Variants in TMEFF2 observed in about 807,000 individuals in gnomAD.
The protein encoded by TMEFF2 is tomoregulin-2.
Under a neutral mutation model 53.8 loss-of-function variants are expected in TMEFF2, and 28 were observed. That is an observed-to-expected ratio of 0.52 (90% CI 0.39 to 0.71). The LOEUF (loss-of-function observed/expected upper bound fraction) is 0.71, where lower values mean the gene tolerates loss of function less well. Among genes scored for constraint, TMEFF2 ranks in the 30% least tolerant of loss-of-function variants. The pLI is 0.00. For missense variants in TMEFF2, 353 were observed against 455.2 expected, an observed-to-expected ratio of 0.78 and a Z score of 2.04; for synonymous variants, 162 against 166.3, an observed-to-expected ratio of 0.97 and a Z score of 0.20.
intron 7 of TMEFF2, among the ~76,000 whole-genome samples, chr2:191,969,200 G>A (rs1430849388): frequency 6.7e-6 from 1 of 149,778 alleles, no homozygotes; most frequent in Non-Finnish European, 1.5e-5. Context: ...GACAGAGACT[G>A]ACACAAAGTG....
At chr2:192,061,992 C>G (rs1011105350) in intron 4 of TMEFF2, among the ~76,000 whole-genome samples, 2 of 152,106 alleles carry the variant, frequency 1.3e-5, no homozygotes, top group African/African-American at 4.8e-5. Flanking sequence ...AACCATGAGT[C>G]AGAATAAACT....
At chr2:192,081,800 CTTTTTTTTTT>C (rs900552541) in intron 4 of TMEFF2, among the ~76,000 whole-genome samples, 1 of 130,368 alleles carries the variant, frequency 7.7e-6, no homozygotes, top group African/African-American at 3.0e-5. Flanking sequence ...AACGATTTCC[CTTTTTTTTTT>C]TTTTTTTTTG....
intron 4 of TMEFF2, among the ~76,000 whole-genome samples, chr2:192,116,343 A>T (rs1160137994): frequency 6.6e-6 from 1 of 151,988 alleles, no homozygotes; most frequent in African/African-American, 2.4e-5. Context: ...GGAAATGGGG[A>T]GATGTTGGTC....
In TMEFF2 at chr2:191,963,939, A is replaced by G. The variant is rs185538028; in HGVS notation, c.746-7561T>C. 5.3e-4 allele frequency among the ~76,000 whole-genome samples: 81 copies of G among 152,184 alleles called. 1 individual carries two copies. Among genetic ancestry groups the G allele is most frequent in the African/African-American group, 1.8e-3 (75 of 41,524 alleles). ...TTCAAGGTAGATTTATAAAATTTCCATTTTTTTATAGATTAGGAAAATGAA... is the reference window on the plus strand; with the variant it reads ...TTCAAGGTAGATTTATAAAATTTCCGTTTTTTTATAGATTAGGAAAATGAA... On this transcript the variant is annotated intron_variant, in intron 7 of 9. Coordinates refer to ENST00000272771, the MANE Select transcript of TMEFF2 (RefSeq NM_016192.4).
chr2:192,058,133 T>G (rs1177647003), intron 4 of TMEFF2, among the ~76,000 whole-genome samples: 1 of 152,216 alleles, frequency 6.6e-6, no homozygotes, highest in African/African-American at 2.4e-5. Flanking sequence ...CTACTGTCTA[T>G]TTTACTGAAA....
chr2:192,188,825 TTCTATCTATCTATCTA>T (rs34743733), intron 2 of TMEFF2, among the ~76,000 whole-genome samples: 500 of 31,284 alleles, frequency 0.016, 3 homozygotes, highest in Admixed American at 0.024. Context: ...CTCCCCGCTT[TTCTATCTATCTATCTA>T]TCTATCTATC....
intron 4 of TMEFF2, among the ~76,000 whole-genome samples, chr2:192,108,697 T>G (rs1356652642): frequency 6.6e-6 from 1 of 152,014 alleles, no homozygotes; most frequent in Non-Finnish European, 1.5e-5. Flanking sequence ...CACTCCTTGG[T>G]GTATACTAAA....
chr2:192,165,021 C>T (rs927047570), intron 4 of TMEFF2, among the ~76,000 whole-genome samples: 1 of 89,386 alleles, frequency 1.1e-5, no homozygotes, highest in Middle Eastern at 7.8e-3. Context: ...CCTGTGCACA[C>T]ATACTTGCAT....
chr2:192,149,524 G>A (rs1574416017), intron 4 of TMEFF2, among the ~76,000 whole-genome samples: 1 of 152,048 alleles, frequency 6.6e-6, no homozygotes, highest in South Asian at 2.1e-4. Context: ...AATATTTGAA[G>A]CAATGGAGCT....
chr2:192,015,827 A>G (rs1686732294), intron 5 of TMEFF2, among the ~76,000 whole-genome samples: 1 of 152,180 alleles, frequency 6.6e-6, no homozygotes, highest in African/African-American at 2.4e-5. Flanking sequence ...TTGAAGCATA[A>G]TGCCAGTGTC....
At chr2:192,092,383 C>T (rs1688810124) in intron 4 of TMEFF2, among the ~76,000 whole-genome samples, 1 of 152,000 alleles carries the variant, frequency 6.6e-6, no homozygotes, top group South Asian at 2.1e-4. Flanking sequence ...CACAAAGATA[C>T]TTTATAGATT....
Position 192,191,953 on chromosome 2 carries a change from T to A in TMEFF2, c.209A>T (p.Asp70Val). ...CCCATCAAATTTACAGGTGTTGGTG[T>A]CACAGAGGAAGAGATCATTTTCTCT... ...DDRENDLFLC[D>V]TNTCKFDGEC... Residue 70 changes from aspartate (D) to valine (V), a missense_variant, in exon 2 of 10, where the codon GAC (aspartate) becomes GTC (valine). Physicochemically the swap from Asp to Val is radical, Grantham distance 152 (BLOSUM62 -3). Coordinates refer to ENST00000272771, the MANE Select transcript of TMEFF2 (RefSeq NM_016192.4). The A allele has an allele frequency of 6.2e-7, 1 of 1,613,534 alleles. No individual in the cohort carries two copies. Among genetic ancestry groups the A allele is most frequent in the Non-Finnish European group, 8.5e-7 (1 of 1,179,596 alleles).
intron 4 of TMEFF2, among the ~76,000 whole-genome samples, chr2:192,154,937 C>T (rs1028970717): frequency 6.6e-6 from 1 of 151,814 alleles, no homozygotes; most frequent in African/African-American, 2.4e-5. Context: ...TTTTCAGCTT[C>T]TCTCCTTCTA....
At chr2:192,081,717 T>C (rs959819414) in intron 4 of TMEFF2, among the ~76,000 whole-genome samples, 3 of 152,038 alleles carry the variant, frequency 2.0e-5, no homozygotes, top group Admixed American at 6.6e-5. Context: ...ATGGAGGAAA[T>C]TGTCTTCAAC....
At chr2:192,145,522 G>A (rs78807113) in intron 4 of TMEFF2, among the ~76,000 whole-genome samples, 1,645 of 151,468 alleles carry the variant, frequency 0.011, 27 homozygotes, top group African/African-American at 0.038. Context: ...TTAATACAAT[G>A]TAACGTTTTG....
chr2:192,148,063 CAT>C (rs1369360882), intron 4 of TMEFF2, among the ~76,000 whole-genome samples: 3 of 152,116 alleles, frequency 2.0e-5, no homozygotes, highest in Middle Eastern at 3.4e-3. Flanking sequence ...AAAGCTCAAT[CAT>C]GTGTCCCACA....
At chr2:191,951,093 A>T (rs1429984639) in intron 9 of TMEFF2, among the ~76,000 whole-genome samples, 2 of 152,128 alleles carry the variant, frequency 1.3e-5, no homozygotes, top group East Asian at 3.8e-4. Context: ...GTGAAGTATC[A>T]GAATATATAA....
intron 4 of TMEFF2, among the ~76,000 whole-genome samples, chr2:192,097,564 C>CT (rs776882910): frequency 6.6e-6 from 1 of 152,178 alleles, no homozygotes; most frequent in Non-Finnish European, 1.5e-5. Flanking sequence ...TATTTGACTG[C>CT]TCATTTTTAA....
chr2:191,994,517 AAAAC>A lies in TMEFF2; in HGVS notation c.745+3741_745+3744del, dbSNP rs1041049200. On this transcript the variant is annotated intron_variant, in intron 7 of 9. Transcript: ENST00000272771. Reference sequence around the variant, plus strand: ...TATACATATATATACTGGATAAAGAAAAACAAATAGTTGAACTTCATTTTTCTTT... The same window carrying A: ...TATACATATATATACTGGATAAAGAAAAATAGTTGAACTTCATTTTTCTTT... 1.9e-4 allele frequency among the ~76,000 whole-genome samples: 29 copies of A among 152,008 alleles called. No homozygotes were observed. The South Asian group carries it at 5.0e-3, about 26-fold the overall frequency.
Sources: allele counts gnomAD v4.1 joint callset (sites outside exome capture counted in the v4.1 genomes callset), GRCh38; gene constraint gnomAD v4.1.1; transcripts MANE v1.5; gene names NCBI Gene and HGNC (gene_info 2026-07-23, HGNC 2026-07-21).